Variants in RAI14 observed in about 807,000 individuals in gnomAD.
RAI14 encodes ankycorbin.
In RAI14, 45 loss-of-function variants were observed where a neutral mutation model predicts 115.4. The ratio of observed to expected loss-of-function variants is 0.39; its 90% confidence interval spans 0.31 to 0.50. The LOEUF (loss-of-function observed/expected upper bound fraction) is 0.50, where lower values mean the gene tolerates loss of function less well. Ranked by LOEUF, RAI14 falls within the 20% of genes least tolerant of loss-of-function variation. The pLI is 0.85. For synonymous variants in RAI14, 371 were observed against 415.4 expected, an observed-to-expected ratio of 0.89 and a Z score of 1.30; for missense variants, 939 against 1,131.2, an observed-to-expected ratio of 0.83 and a Z score of 2.44.
intron 1 of RAI14, among the ~76,000 whole-genome samples, chr5:34,672,546 A>G (rs1743692161): frequency 6.6e-6 from 1 of 152,228 alleles, no homozygotes; most frequent in Admixed American, 6.5e-5. Context: ...TTTATCAGGC[A>G]GGAGGATCTA....
At chr5:34,825,582 G>A (rs1757352377) in intron 15 of RAI14, among the ~76,000 whole-genome samples, 1 of 152,068 alleles carries the variant, frequency 6.6e-6, no homozygotes, top group African/African-American at 2.4e-5. Context: ...CCTTTGACAG[G>A]TATATAGGAG....
At chr5:34,740,901 G>A (rs1026709311) in intron 2 of RAI14, among the ~76,000 whole-genome samples, 1 of 152,170 alleles carries the variant, frequency 6.6e-6, no homozygotes, top group Non-Finnish European at 1.5e-5. Context: ...TAAGAGTTCT[G>A]TTTTAAATAA....
At chr5:34,683,883 A>G (rs1441248361) in intron 1 of RAI14, among the ~76,000 whole-genome samples, 1 of 151,998 alleles carries the variant, frequency 6.6e-6, no homozygotes, top group Non-Finnish European at 1.5e-5. Flanking sequence ...GCCCGCCATC[A>G]CGCCCGGCTA....
intron 3 of RAI14, among the ~76,000 whole-genome samples, chr5:34,777,656 G>T (rs921904076): frequency 2.6e-5 from 4 of 151,976 alleles, no homozygotes; most frequent in Non-Finnish European, 5.9e-5. Flanking sequence ...GTTCATACCT[G>T]TAATCCCAGC....
chr5:34,787,791 G>GT (rs1580261248), intron 3 of RAI14, among the ~76,000 whole-genome samples: 1 of 132,506 alleles, frequency 7.5e-6, no homozygotes, highest in Middle Eastern at 5.3e-3. Flanking sequence ...CATTTATTTT[G>GT]TTTTTTGGTC....
chr5:34,689,691 G>A (rs887665739), intron 2 of RAI14, among the ~76,000 whole-genome samples: 2 of 151,968 alleles, frequency 1.3e-5, no homozygotes, highest in African/African-American at 2.4e-5. Context: ...TGGCCAACAT[G>A]GAGAAACCCC....
At chr5:34,778,893 T>A (rs1460907727) in intron 3 of RAI14, among the ~76,000 whole-genome samples, 1 of 152,252 alleles carries the variant, frequency 6.6e-6, no homozygotes, top group African/African-American at 2.4e-5. Flanking sequence ...ATCATCCTGA[T>A]ACCAAAGCCT....
At chr5:34,677,227 C>T (rs955892563) in intron 1 of RAI14, among the ~76,000 whole-genome samples, 4 of 103,498 alleles carry the variant, frequency 3.9e-5, no homozygotes, top group Admixed American at 3.0e-4. Flanking sequence ...TGCAGTGGCA[C>T]GATCTCAGCT....
chr5:34,680,657 A>G (rs376375754), intron 1 of RAI14, among the ~76,000 whole-genome samples: 4 of 152,282 alleles, frequency 2.6e-5, no homozygotes, highest in East Asian at 1.9e-4. Context: ...GGAGTCCCCT[A>G]TCTTGTGAGA....
chr5:34,813,602 A>G lies in RAI14; in HGVS notation c.794A>G (p.Glu265Gly), dbSNP rs763502597. 27 of 1,613,454 alleles carry G rather than the reference A, an allele frequency of 1.7e-5. No individual in the cohort carries two copies. Among genetic ancestry groups the G allele is most frequent in the Non-Finnish European group, 2.3e-5 (27 of 1,179,542 alleles). ...GACCAAGTCTCTAAAATAAGCTCAGAAAGAAGTGGAACTCCAAAAAAACGC... is the reference window on the plus strand; with the variant it reads ...GACCAAGTCTCTAAAATAAGCTCAGGAAGAAGTGGAACTCCAAAAAAACGC... ...QHDQVSKISS[E>G]RSGTPKKRKA... Residue 265 changes from glutamate to glycine, a missense_variant, in exon 11 of 18, where the codon GAA (glutamate) becomes GGA (glycine). Glu to Gly is a moderately conservative substitution (Grantham distance 98). Coordinates refer to ENST00000265109, the MANE Select transcript of RAI14 (RefSeq NM_015577.3).
intron 2 of RAI14, chr5:34,687,458 C>T (rs746019577): frequency 4.3e-6 from 4 of 922,380 alleles, no homozygotes; most frequent in Non-Finnish European, 5.8e-6. Flanking sequence ...ATTCCAGGGA[C>T]TCGTACTCAT....
chr5:34,749,036 C>T (rs1188207427), intron 2 of RAI14, among the ~76,000 whole-genome samples: 2 of 152,118 alleles, frequency 1.3e-5, no homozygotes, highest in Non-Finnish European at 2.9e-5. Context: ...CTTGCCTGTT[C>T]CTTGTACCCT....
intron 4 of RAI14, among the ~76,000 whole-genome samples, chr5:34,797,906 G>A (rs926406682): frequency 2.0e-5 from 3 of 152,136 alleles, no homozygotes; most frequent in African/African-American, 4.8e-5. Context: ...GCCGTCACAC[G>A]GTTTTGTTTC....
intron 1 of RAI14, among the ~76,000 whole-genome samples, chr5:34,668,393 C>CGAGACA (rs1423835104): frequency 8.2e-6 from 1 of 121,286 alleles, no homozygotes; most frequent in Non-Finnish European, 1.8e-5. Context: ...GACTCTGTCT[C>CGAGACA]AAAAAAAAAA....
chr5:34,787,182 T>C lies in RAI14; in HGVS notation c.168-8757T>C, dbSNP rs143251713. ...ACAGTGCTGCAGAGATTTTATCAGT[T>C]TTGGGGCCAGTTTATGGCCAGATTT... On this transcript the variant is annotated intron_variant, in intron 3 of 17. Coordinates refer to ENST00000265109, the MANE Select transcript of RAI14 (RefSeq NM_015577.3). 1.8e-3 allele frequency among the ~76,000 whole-genome samples: 267 copies of C among 152,306 alleles called. 1 individual carries two copies. Among genetic ancestry groups the C allele is most frequent in the African/African-American group, 5.8e-3 (243 of 41,562 alleles).
intron 5 of RAI14, among the ~76,000 whole-genome samples, chr5:34,806,886 G>A (rs1375588456): frequency 6.6e-6 from 1 of 152,206 alleles, no homozygotes; most frequent in African/African-American, 2.4e-5. Flanking sequence ...AGCCCAGCCT[G>A]TCTGAGTTTG....
intron 3 of RAI14, among the ~76,000 whole-genome samples, chr5:34,770,861 A>G (rs1181286094): frequency 6.6e-6 from 1 of 152,204 alleles, no homozygotes; most frequent in Non-Finnish European, 1.5e-5. Context: ...TTAAAATATT[A>G]TTTAATATCA....
chr5:34,687,918 C>T (rs568945399), intron 2 of RAI14: 3 of 920,928 alleles, frequency 3.3e-6, no homozygotes, highest in Admixed American at 2.7e-5. Context: ...AGCTTATCTC[C>T]TGAGGCTGCA....
At chr5:34,765,512 C>T (rs1322577893) in intron 3 of RAI14, among the ~76,000 whole-genome samples, 1 of 152,142 alleles carries the variant, frequency 6.6e-6, no homozygotes, top group African/African-American at 2.4e-5. Context: ...TGCCCCTGCC[C>T]TAGTGATTTG....
Sources: gnomAD v4.1 joint callset for allele counts (sites outside exome capture counted in the v4.1 genomes callset) on GRCh38, gnomAD v4.1.1 for gene constraint, MANE v1.5 for transcripts, NCBI Gene and HGNC (gene_info 2026-07-23, HGNC 2026-07-21) for gene names.